The following CENPE variants were observed in gnomAD, a reference collection of about 807,000 sequenced individuals.
CENPE encodes centromere-associated protein E.
CENPE carries 145 observed loss-of-function variants against 336.1 expected under a neutral mutation model. That is an observed-to-expected ratio of 0.43 (90% CI 0.38 to 0.50). The LOEUF is 0.50. Ranked by LOEUF, CENPE falls within the 20% of genes least tolerant of loss-of-function variation. The probability of loss-of-function intolerance (pLI) is 0.00; values close to 1 mark genes in which losing one functional copy is unlikely to be tolerated. For synonymous variants in CENPE, 1,013 were observed against 984.8 expected, an observed-to-expected ratio of 1.03 and a Z score of -0.54; for missense variants, 2,719 against 3,023.3, an observed-to-expected ratio of 0.90 and a Z score of 2.36.
Position 103,198,260 on chromosome 4 carries a change from C to A in CENPE, c.56+4G>T, listed in dbSNP as rs1757896036. On this transcript the variant is annotated splice_donor_region_variant and intron_variant, in intron 1 of 48. Coordinates refer to ENST00000265148, the MANE Select transcript of CENPE (RefSeq NM_001813.3). The stretch of plus-strand genomic sequence containing the variant: ...GGCACCGGGCCGTGGTGTGGCCCCC[C>A]TACCTGCTGTTCAGCGGCCGCACTC... 1.3e-6 allele frequency: 2 copies of A among 1,550,288 alleles called. No homozygotes were observed. The highest frequency in any genetic ancestry group is 2.4e-5 in the South Asian group (2 of 84,044).
intron 13 of CENPE, among the ~76,000 whole-genome samples, chr4:103,177,771 T>G (rs1380687042): frequency 1.3e-5 from 2 of 151,890 alleles, no homozygotes. Context: ...CCTCTCTGAG[T>G]GCTGTCCTTC....
At chr4:103,172,287 A>G (rs1755481583) in intron 16 of CENPE, among the ~76,000 whole-genome samples, 1 of 152,090 alleles carries the variant, frequency 6.6e-6, no homozygotes, top group Admixed American at 6.5e-5. Flanking sequence ...CAGGAATATA[A>G]GAATGGTTCA....
rs527451080 is a variant in CENPE, at chr4:103,110,158, G to A, written c.7724+670C>T. 1.2e-4 allele frequency among the ~76,000 whole-genome samples: 19 copies of A among 152,138 alleles called. No individual in the cohort carries two copies. In the East Asian group the frequency reaches 3.3e-3, roughly 26 times the overall value. The stretch of plus-strand genomic sequence containing the variant: ...CCAGATCACTGAAATAAAGTGAATC[G>A]CGGAAATCTTTTGGGTTCCCAGTGT... On this transcript the variant is annotated intron_variant, in intron 47 of 48. Transcript: ENST00000265148.
chr4:103,193,881 CA>C (rs1185553310), intron 8 of CENPE, among the ~76,000 whole-genome samples: 1 of 151,938 alleles, frequency 6.6e-6, no homozygotes, highest in Non-Finnish European at 1.5e-5. Context: ...TGAGATTTTA[CA>C]AAAAGACCCT....
intron 40 of CENPE, 56 bp downstream of exon 40, chr4:103,136,085 T>C (rs561523546): frequency 2.1e-6 from 3 of 1,408,328 alleles, no homozygotes; most frequent in Non-Finnish European, 3.0e-6. Flanking sequence ...AGGACTTAAA[T>C]ACATTGATGT....
chr4:103,140,791 G>A (rs1209567692), intron 36 of CENPE, 23 bp downstream of exon 36: 2 of 1,552,000 alleles, frequency 1.3e-6, no homozygotes, highest in African/African-American at 1.4e-5. Flanking sequence ...ATAATGGTAG[G>A]GTAAAGAGAG....
rs905258853 is a variant in CENPE at position 103,118,029 on chromosome 4, G to A, written c.7330-1340C>T. ...AGTCTTAGCAATTATGAACACAGCT[G>A]CTATTAACATACACATGCAGCCCTT... On this transcript the variant is annotated intron_variant, in intron 44 of 48. Coordinates refer to ENST00000265148, the MANE Select transcript of CENPE (RefSeq NM_001813.3). 4.5e-4 allele frequency among the ~76,000 whole-genome samples: 69 copies of A among 152,164 alleles called. 1 individual carries two copies. Among genetic ancestry groups the A allele is most frequent in the Admixed American group, 4.5e-3 (69 of 15,282 alleles).
chr4:103,196,717 A>G (rs1243840011), intron 2 of CENPE, 42 bp downstream of exon 2: 6 of 950,018 alleles, frequency 6.3e-6, no homozygotes, highest in Non-Finnish European at 1.0e-5. Context: ...TTTTAATAGC[A>G]AAAGGATAAC....
chr4:103,122,136 G>C (rs1216981046), intron 43 of CENPE, among the ~76,000 whole-genome samples: 2 of 152,096 alleles, frequency 1.3e-5, no homozygotes, highest in Non-Finnish European at 2.9e-5. Flanking sequence ...ATCTGTAGCA[G>C]CTGACTGAGG....
In CENPE at chr4:103,107,594, G is replaced by A. The variant is rs117744727; in HGVS notation, c.8011+1209C>T. Among the ~76,000 whole-genome samples the A allele has an allele frequency of 9.2e-5, 14 of 152,308 alleles. No individual in the cohort carries two copies. In the East Asian group the frequency reaches 2.3e-3, roughly 25 times the overall value. On this transcript the variant is annotated intron_variant, in intron 48 of 48. Coordinates refer to ENST00000265148, the MANE Select transcript of CENPE (RefSeq NM_001813.3). ...TGTGGTGAGAAAGACTACAAGAAAT[G>A]CCGTGTTACCGTTTCTCCTGCAAGT... is the stretch of plus-strand genomic sequence containing the variant.
intron 46 of CENPE, among the ~76,000 whole-genome samples, chr4:103,112,981 T>C (rs1215094167): frequency 1.3e-4 from 6 of 47,450 alleles, no homozygotes; most frequent in South Asian, 1.7e-3. Flanking sequence ...TATAAGTGTA[T>C]ATATATACTT....
intron 44 of CENPE, among the ~76,000 whole-genome samples, chr4:103,119,936 C>T (rs1423013006): frequency 6.6e-6 from 1 of 151,946 alleles, no homozygotes; most frequent in Non-Finnish European, 1.5e-5. Flanking sequence ...AATTATTCTT[C>T]CAACATAATA....
rs372883663 is a variant in CENPE, at chr4:103,185,874, T to A, written c.694-13A>T. On this transcript the variant is annotated splice_polypyrimidine_tract_variant and intron_variant, in intron 8 of 48. Transcript: ENST00000265148. ...GATCAACCAAATTCTGTAAGATAGA[T>A]AAAAATAAATCCTTAGGGCAGATAA... 1.3e-6 allele frequency: 2 copies of A among 1,589,882 alleles called. No individual in the cohort carries two copies. Among genetic ancestry groups the A allele is most frequent in the East Asian group, 4.5e-5 (2 of 44,602 alleles).
chr4:103,153,294 C>T, intron 24 of CENPE, 44 bp from the exon 25 acceptor site: 1 of 1,311,614 alleles, frequency 7.6e-7, no homozygotes, highest in Non-Finnish European at 1.1e-6. Context: ...AAGTAGTTAA[C>T]AACAACTTTA....
intron 34 of CENPE, among the ~76,000 whole-genome samples, chr4:103,143,003 C>CAAAAAAAAAA (rs1168385683): frequency 1.6e-5 from 1 of 62,976 alleles, no homozygotes; most frequent in African/African-American, 5.7e-5. Flanking sequence ...GACTCTGTCT[C>CAAAAAAAAAA]AAAAAAAAAA....
Position 103,149,420 on chromosome 4 carries a change from C to T in CENPE, c.3397-12G>A. 6.5e-7 allele frequency: 1 copy of T among 1,541,764 alleles called. No individual in the cohort carries two copies. The highest frequency in any genetic ancestry group is 8.7e-7 in the Non-Finnish European group (1 of 1,154,638). ...TGGAGTTGCTGGCTCTTAAAATGCA[C>T]AATTTTTATAATTACCATTTTACTT... is the stretch of plus-strand genomic sequence containing the variant. On this transcript the variant is annotated splice_polypyrimidine_tract_variant and intron_variant, in intron 26 of 48. Transcript: ENST00000265148.
At chr4:103,116,747 T>C in intron 44 of CENPE, 58 bp from the exon 45 acceptor site, 1 of 840,614 alleles carries the variant, frequency 1.2e-6, no homozygotes, top group Non-Finnish European at 1.9e-6. Context: ...GTTTCTCCAG[T>C]TGTAAAGAAT....
intron 14 of CENPE, among the ~76,000 whole-genome samples, chr4:103,176,346 C>T (rs191942163): frequency 3.9e-5 from 6 of 152,010 alleles, no homozygotes; most frequent in African/African-American, 1.4e-4. Context: ...ATTTAAAATT[C>T]CCCCCCAACA....
At chr4:103,138,944 T>C (rs958438240) in intron 38 of CENPE, among the ~76,000 whole-genome samples, 1 of 152,234 alleles carries the variant, frequency 6.6e-6, no homozygotes, top group Non-Finnish European at 1.5e-5. Context: ...ACTTGTAGTT[T>C]TAACAGTGGC....
Sources: allele counts gnomAD v4.1 joint callset (sites outside exome capture counted in the v4.1 genomes callset), GRCh38; gene constraint gnomAD v4.1.1; transcripts MANE v1.5; gene names NCBI Gene and HGNC (gene_info 2026-07-23, HGNC 2026-07-21).